Variants in CYGB observed in about 807,000 individuals in gnomAD.
CYGB encodes cytoglobin, also known as histoglobin.
In CYGB, 13 loss-of-function variants were observed where a neutral mutation model predicts 20.7. The observed-to-expected ratio is 0.63, with a 90% CI of 0.41 to 1.00. The LOEUF (loss-of-function observed/expected upper bound fraction) is 1.00, where lower values mean the gene tolerates loss of function less well. CYGB is among the 50% of genes least tolerant of loss of function. CYGB has a pLI of 0.00. For missense variants in CYGB, 218 were observed against 257.2 expected, an observed-to-expected ratio of 0.85 and a Z score of 1.04; for synonymous variants, 93 against 107.4, an observed-to-expected ratio of 0.87 and a Z score of 0.83.
intron 3 of CYGB, chr17:76,529,409 A>C: frequency 1.0e-6 from 1 of 985,396 alleles, no homozygotes; most frequent in Non-Finnish European, 1.2e-6. Flanking sequence ...GCCGTTTCAA[A>C]ATGTTTGGGG....
rs2074873761 is a variant in CYGB, at chr17:76,533,507, T to C, written c.144-1816A>G. 6.6e-6 allele frequency among the ~76,000 whole-genome samples: 1 copy of C among 152,178 alleles called. No homozygotes were observed. The highest frequency in any genetic ancestry group is 1.5e-5 in the Non-Finnish European group (1 of 68,022). On this transcript the variant is annotated intron_variant, in intron 1 of 3. Coordinates refer to ENST00000293230, the MANE Select transcript of CYGB (RefSeq NM_134268.5). The surrounding 1 kb of genome is among the most constrained non-coding windows in gnomAD (Gnocchi z 4.5). ...TACGAGGCCGAGGCGGGTGGATTGC[T>C]TGAGCTCAGGCATTTGAGACCAGCC...
chr17:76,537,642 C>T lies in CYGB; in HGVS notation c.-100G>A. 1 of 965,054 alleles carries T rather than the reference C, an allele frequency of 1.0e-6. No homozygotes were observed. The allele number at this position is 965,054 out of a possible 1,614,324, so 59.8% of individuals were successfully genotyped here. A position where few individuals can be genotyped will look rare whatever the true frequency, so the allele number is the denominator to read the frequency against. On this transcript the variant is annotated 5_prime_UTR_variant, in exon 1 of 4. Coordinates refer to ENST00000293230, the MANE Select transcript of CYGB (RefSeq NM_134268.5). The stretch of plus-strand genomic sequence containing the variant: ...CGGGAGCCGGGGCCGGCTGCGTGCG[C>T]GGCGGGCGGGCGAGGGGTAGAGCGC...
Position 76,533,954 on chromosome 17 carries a change from T to C in CYGB, c.144-2263A>G, listed in dbSNP as rs2074880364. On this transcript the variant is annotated intron_variant, in intron 1 of 3. Coordinates refer to ENST00000293230, the MANE Select transcript of CYGB (RefSeq NM_134268.5). This position sits in a 1 kb window ranked among gnomAD's most constrained non-coding sequence, Gnocchi z 4.5. ...GCTGCAGCAGGAAGATCCGATCGCA[T>C]CACGAGCCCAGGATTGGAGGCTGCC... 6.6e-6 allele frequency among the ~76,000 whole-genome samples: 1 copy of C among 151,464 alleles called. No homozygotes were observed. Among genetic ancestry groups the C allele is most frequent in the African/African-American group, 2.4e-5 (1 of 41,100 alleles).
intron 1 of CYGB, among the ~76,000 whole-genome samples, chr17:76,548,078 A>G (rs1211055487): frequency 6.6e-6 from 1 of 151,994 alleles, no homozygotes; most frequent in Non-Finnish European, 1.5e-5. Flanking sequence ...ATACATGTAC[A>G]CACACAAATA....
At chr17:76,534,122 C>T (rs138925195) in intron 1 of CYGB, among the ~76,000 whole-genome samples, 1,743 of 147,416 alleles carry the variant, frequency 0.012, 45 homozygotes, top group African/African-American at 0.04. Context: ...TTCTTTCTTT[C>T]TTTCTTTCTC....
At chr17:76,542,778 T>C (rs2075007288) in intron 1 of CYGB, 2 of 672,770 alleles carry the variant, frequency 3.0e-6, no homozygotes, top group Non-Finnish European at 5.4e-6. Context: ...GCGGATGGAC[T>C]CATGCCTTTG....
Position 76,528,409 on chromosome 17 carries a change from C to T in CYGB, c.*169G>A. On this transcript the variant is annotated 3_prime_UTR_variant, in exon 4 of 4. Transcript: ENST00000293230. This position sits in a 1 kb window ranked among gnomAD's most constrained non-coding sequence, Gnocchi z 5.8. ...CATCCAGGCAGCCAGCGCCGCCTCCCAGCAGCTCCAGGGGGGGACCCTGGC... is the reference window on the plus strand; with the variant it reads ...CATCCAGGCAGCCAGCGCCGCCTCCTAGCAGCTCCAGGGGGGGACCCTGGC... The T allele has an allele frequency of 1.7e-6, 1 of 575,108 alleles. No homozygotes were observed. The highest frequency in any genetic ancestry group is 2.6e-6 in the Non-Finnish European group (1 of 380,142). The allele number at this position is 575,108 out of a possible 1,614,324, so 35.6% of individuals were successfully genotyped here.
chr17:76,542,582 C>T (rs772708999), upstream of CYGB: 1 of 1,614,188 alleles, frequency 6.2e-7, no homozygotes, highest in Non-Finnish European at 8.5e-7. Context: ...TAAGCCCTCA[C>T]CTCTGCAGGT....
Position 76,533,904 on chromosome 17 carries a change from G to A in CYGB, c.144-2213C>T, listed in dbSNP as rs536547465. 4.2e-4 allele frequency among the ~76,000 whole-genome samples: 64 copies of A among 152,100 alleles called. No homozygotes were observed. Among genetic ancestry groups the A allele is most frequent in the African/African-American group, 1.5e-3 (62 of 41,500 alleles). ...AAATTGGCTGGGTGTGGTGGTGCCC[G>A]TCTGTAGTCCTAGCTACTTGGGAGG... On this transcript the variant is annotated intron_variant, in intron 1 of 3. Transcript: ENST00000293230. The surrounding 1 kb of genome is among the most constrained non-coding windows in gnomAD (Gnocchi z 4.5).
intron 1 of CYGB, chr17:76,545,296 C>G: frequency 2.2e-6 from 1 of 456,752 alleles, no homozygotes; most frequent in Non-Finnish European, 4.4e-6. Flanking sequence ...CCCACTGGCT[C>G]CCATCACAGG....
In CYGB at chr17:76,530,949, T is replaced by C; in HGVS notation, c.539+30A>G. On this transcript the variant is annotated intron_variant, in intron 3 of 3. Transcript: ENST00000293230. The surrounding 1 kb of genome is among the most constrained non-coding windows in gnomAD (Gnocchi z 6.1). ...ACAGCAGAGGACATGGCGGGGAGGC[T>C]GCCCAGCCCACCCTCGCCCGCCTCC... The C allele has an allele frequency of 1.3e-6, 2 of 1,539,216 alleles. No individual in the cohort carries two copies. Among genetic ancestry groups the C allele is most frequent in the Non-Finnish European group, 1.8e-6 (2 of 1,139,428 alleles).
At chr17:76,543,616 C>T (rs1425684315) in intron 1 of CYGB, among the ~76,000 whole-genome samples, 2 of 152,238 alleles carry the variant, frequency 1.3e-5, no homozygotes, top group African/African-American at 2.4e-5. Flanking sequence ...GCCCACGCTC[C>T]TACCCACCAT....
chr17:76,530,654 C>T lies in CYGB; in HGVS notation c.539+325G>A, dbSNP rs1044482814. ...TCCGAGCCTGATGATCGGACCTTACCGCCAGGAGCCTCTGGCGCCTCTCTG... is the reference window on the plus strand; with the variant it reads ...TCCGAGCCTGATGATCGGACCTTACTGCCAGGAGCCTCTGGCGCCTCTCTG... On this transcript the variant is annotated intron_variant, in intron 3 of 3. Coordinates refer to ENST00000293230, the MANE Select transcript of CYGB (RefSeq NM_134268.5). This position sits in a 1 kb window ranked among gnomAD's most constrained non-coding sequence, Gnocchi z 6.1. Among the ~76,000 whole-genome samples, 6 of 152,160 alleles carry T rather than the reference C, an allele frequency of 3.9e-5. No individual in the cohort carries two copies. The highest frequency in any genetic ancestry group is 6.5e-5 in the Admixed American group (1 of 15,282).
chr17:76,536,107 C>T (rs905834272), intron 1 of CYGB, among the ~76,000 whole-genome samples: 1 of 152,192 alleles, frequency 6.6e-6, no homozygotes, highest in Admixed American at 6.5e-5. Context: ...ATCCCAATGT[C>T]CCTCTTAGCT....
chr17:76,544,041 C>G (rs2075024196), intron 1 of CYGB: 2 of 454,830 alleles, frequency 4.4e-6, no homozygotes, highest in South Asian at 3.1e-5. Flanking sequence ...CGGCTGCCTC[C>G]TTTGCCCCCA....
upstream of CYGB, chr17:76,538,396 G>C (rs1308902158): frequency 1.3e-4 from 53 of 396,282 alleles, 1 homozygote; most frequent in Admixed American, 1.6e-3. Context: ...CCGACCTCGG[G>C]CGCCAGAGGC....
At chr17:76,543,200 C>A in intron 1 of CYGB, 1 of 415,676 alleles carries the variant, frequency 2.4e-6, no homozygotes, top group Admixed American at 2.9e-5. Context: ...TGAGCAGGAC[C>A]TGGCTGGGCC....
upstream of CYGB, among the ~76,000 whole-genome samples, chr17:76,541,148 G>C (rs1432258242): frequency 6.6e-6 from 1 of 152,294 alleles, no homozygotes; most frequent in East Asian, 1.9e-4. Context: ...TGAAGTTGGG[G>C]GAACTTCCAG....
intron 1 of CYGB, chr17:76,544,344 T>G (rs1163633116): frequency 2.2e-6 from 1 of 454,674 alleles, no homozygotes; most frequent in East Asian, 6.9e-5. Context: ...GCCGCCACTC[T>G]GCCTCTGAAG....
Sources: gnomAD v4.1 joint callset for allele counts (sites outside exome capture counted in the v4.1 genomes callset) on GRCh38, gnomAD v4.1.1 for gene constraint, Gnocchi (gnomAD v3.1) non-coding constraint, MANE v1.5 for transcripts, NCBI Gene and HGNC (gene_info 2026-07-23, HGNC 2026-07-21) for gene names.